The following DOCK1 variants were observed in gnomAD, a reference collection of about 807,000 sequenced individuals.
DOCK1 encodes the protein dedicator of cytokinesis 1, also known as dedicator of cytokinesis protein 1.
Under a neutral mutation model 262.7 loss-of-function variants are expected in DOCK1, and 138 were observed. The observed-to-expected ratio is 0.53, with a 90% CI of 0.46 to 0.61. DOCK1 has a LOEUF of 0.61. Among genes scored for constraint, DOCK1 ranks in the 20% least tolerant of loss-of-function variants. The pLI is 0.00. For missense variants in DOCK1, 1,908 were observed against 2,370.7 expected, an observed-to-expected ratio of 0.80 and a Z score of 4.05; for synonymous variants, 866 against 867.4, an observed-to-expected ratio of 1.00 and a Z score of 0.03.
chr10:127,099,641 C>T (rs934728178), intron 23 of DOCK1, among the ~76,000 whole-genome samples: 4 of 152,176 alleles, frequency 2.6e-5, no homozygotes, highest in African/African-American at 7.2e-5. Flanking sequence ...CCAGCTCTCA[C>T]GTGAACTAAT....
In DOCK1 at chr10:127,405,783, G is replaced by A. The variant is rs1340675931; in HGVS notation, c.4122+1354G>A. ...CCCACTCAGTGTCCTGCCTGGTGAC[G>A]GAGGCGTCTGGCCCTGTCCTGGTCA... On this transcript the variant is annotated intron_variant, in intron 40 of 51. Transcript: ENST00000623213. Among the ~76,000 whole-genome samples, 5 of 149,444 alleles carry A rather than the reference G, an allele frequency of 3.3e-5. No homozygotes were observed. In the East Asian group the frequency reaches 6.0e-4, roughly 18 times the overall value.
intron 27 of DOCK1, among the ~76,000 whole-genome samples, chr10:127,213,989 G>A (rs986999387): frequency 1.3e-5 from 2 of 152,078 alleles, no homozygotes; most frequent in Non-Finnish European, 1.5e-5. Context: ...ACAGGCACCC[G>A]CCACCATGCC....
chr10:127,260,934 T>TTA lies in DOCK1; in HGVS notation c.3044+3505_3044+3506insTA, dbSNP rs2060032214. Among the ~76,000 whole-genome samples, 12 of 145,378 alleles carry TTA rather than the reference T, an allele frequency of 8.3e-5. No individual in the cohort carries two copies. In the South Asian group the frequency reaches 1.1e-3, roughly 14 times the overall value. On this transcript the variant is annotated intron_variant, in intron 29 of 51. Transcript: ENST00000623213. ...GCACGTGTGTGCATGTGGGTGTGTGTGTGTACCCGTGCTCATCTGTGTGTG... is the reference window on the plus strand; with the variant it reads ...GCACGTGTGTGCATGTGGGTGTGTGTTAGTGTACCCGTGCTCATCTGTGTGTG...
chr10:126,997,770 G>A (rs759777832), intron 7 of DOCK1: 4 of 292,688 alleles, frequency 1.4e-5, no homozygotes, highest in Non-Finnish European at 2.0e-5. Flanking sequence ...AGATGTCCTT[G>A]GAGGGTTTAG....
At chr10:127,205,805 T>C (rs2057692488) in intron 27 of DOCK1, among the ~76,000 whole-genome samples, 1 of 152,232 alleles carries the variant, frequency 6.6e-6, no homozygotes, top group Non-Finnish European at 1.5e-5. Context: ...CTATATACCA[T>C]GTAAGACACA....
intron 29 of DOCK1, among the ~76,000 whole-genome samples, chr10:127,330,311 T>C (rs1000150803): frequency 1.3e-5 from 2 of 151,918 alleles, no homozygotes; most frequent in African/African-American, 4.8e-5. Flanking sequence ...GCTAGTGTAG[T>C]GGGGAAATGG....
At chr10:127,233,194 A>C (rs1164119691) in intron 27 of DOCK1, among the ~76,000 whole-genome samples, 6 of 152,208 alleles carry the variant, frequency 3.9e-5, no homozygotes, top group Non-Finnish European at 8.8e-5. Flanking sequence ...CCTAATTAGA[A>C]TTATGGTAGT....
At chr10:126,956,861 T>C (rs1450024480) in intron 1 of DOCK1, among the ~76,000 whole-genome samples, 1 of 151,582 alleles carries the variant, frequency 6.6e-6, no homozygotes, top group Non-Finnish European at 1.5e-5. Flanking sequence ...GTCTGCAGAG[T>C]TCCAGAGATT....
At chr10:127,070,409 A>G (rs536877863) in intron 23 of DOCK1, among the ~76,000 whole-genome samples, 42 of 151,768 alleles carry the variant, frequency 2.8e-4, no homozygotes, top group African/African-American at 1.0e-3. Context: ...ACCCACTACC[A>G]CGCCAAGCTA....
At chr10:127,340,461 C>T (rs531575523) in intron 30 of DOCK1, among the ~76,000 whole-genome samples, 2 of 152,186 alleles carry the variant, frequency 1.3e-5, no homozygotes, top group East Asian at 1.9e-4. Flanking sequence ...TCATATTCCA[C>T]GATATGAATG....
At position 126,941,564 on chromosome 10, in the gene DOCK1, G is replaced by A. The variant is rs949564132; in HGVS notation, c.47-29138G>A. ...GAGGTCAGGAGATCGAGACCATCCT[G>A]GCTAACACGGTGAAACCCTGTCTCT... On this transcript the variant is annotated intron_variant, in intron 1 of 51. Coordinates refer to ENST00000623213, the MANE Select transcript of DOCK1 (RefSeq NM_001290223.2). 9.2e-5 allele frequency among the ~76,000 whole-genome samples: 14 copies of A among 152,254 alleles called. No individual in the cohort carries two copies. The South Asian group carries it at 2.1e-3, about 23-fold the overall frequency.
intron 47 of DOCK1, among the ~76,000 whole-genome samples, chr10:127,426,708 G>A (rs572317877): frequency 7.2e-5 from 11 of 152,264 alleles, no homozygotes; most frequent in East Asian, 1.9e-4. Context: ...AATTCAGAGC[G>A]GAGATGGAAA....
rs117814666 is a variant in DOCK1 at position 127,230,362 on chromosome 10, T to A, written c.2848-17646T>A. On this transcript the variant is annotated intron_variant, in intron 27 of 51. Transcript: ENST00000623213. ...CATTGCTCAGACCAATTTCAAGAGG[T>A]TTTTTTTCTTTATGTTTTCTTCTAG... is the stretch of plus-strand genomic sequence containing the variant. 3.6e-3 allele frequency among the ~76,000 whole-genome samples: 549 copies of A among 152,086 alleles called. 5 individuals are homozygous for A. The highest frequency in any genetic ancestry group is 0.021 in the Admixed American group (325 of 15,260).
Position 127,239,799 on chromosome 10 carries a change from A to G in DOCK1, c.2848-8209A>G, listed in dbSNP as rs546282999. On this transcript the variant is annotated intron_variant, in intron 27 of 51. Transcript: ENST00000623213. ...TATATTGAGTATATAAAAATAACGT[A>G]TAAAATTTTCTGCTTTGCTGTCTTG... Among the ~76,000 whole-genome samples, 11 of 152,276 alleles carry G rather than the reference A, an allele frequency of 7.2e-5. 1 individual carries two copies. Among genetic ancestry groups the G allele is most frequent in the African/African-American group, 2.6e-4 (11 of 41,588 alleles).
At chr10:127,138,113 G>T (rs2133234110) in intron 27 of DOCK1, 1 of 1,098,646 alleles carries the variant, frequency 9.1e-7, no homozygotes, top group Non-Finnish European at 1.3e-6. Context: ...TGATCAGTGT[G>T]TGTTTGTAAT....
intron 47 of DOCK1, among the ~76,000 whole-genome samples, chr10:127,432,655 A>G (rs187830934): frequency 2.0e-5 from 3 of 152,258 alleles, no homozygotes; most frequent in Non-Finnish European, 4.4e-5. Flanking sequence ...GAAGATGGAA[A>G]AGTCCATCTA....
At chr10:127,287,321 C>G (rs550294409) in intron 29 of DOCK1, among the ~76,000 whole-genome samples, 7 of 151,882 alleles carry the variant, frequency 4.6e-5, no homozygotes, top group Non-Finnish European at 1.0e-4. Context: ...TCCTGAATAG[C>G]TAGGACTATA....
chr10:127,106,278 G>A lies in DOCK1; in HGVS notation c.2493G>A (p.Leu831=). The change falls in exon 24 of 52, where the codon TTG becomes TTA. Residue 831 remains leucine, a synonymous_variant. Coordinates refer to ENST00000623213, the MANE Select transcript of DOCK1 (RefSeq NM_001290223.2). ...YLPTIVNDVK[L]VFDPKELSKM... ...CAACGATCGTCAACGATGTGAAATT[G>A]GTGTTTGATCCCAAAGAGCTCAGGT... 1.3e-6 allele frequency: 2 copies of A among 1,597,850 alleles called. No individual in the cohort carries two copies. The highest frequency in any genetic ancestry group is 1.7e-6 in the Non-Finnish European group (2 of 1,171,216).
Position 127,374,092 on chromosome 10 carries a change from G to T in DOCK1, c.3553G>T (p.Ala1185Ser). The T allele has an allele frequency of 6.2e-7, 1 of 1,612,878 alleles. No individual in the cohort carries two copies. The highest frequency in any genetic ancestry group is 8.5e-7 in the Non-Finnish European group (1 of 1,179,396). ...LEHCRKHKYL[A>S]KTGETFVKLV... ...ACACTGCAGGAAGCACAAATACCTC[G>T]CCAAAACAGGAGAAACTTTTGTAAA... is the stretch of plus-strand genomic sequence containing the variant. The change falls in exon 35 of 52, where the codon GCC becomes TCC. Residue 1185 changes from alanine to serine, a missense_variant. Ala to Ser is a moderately conservative substitution (Grantham distance 99). Transcript: ENST00000623213.
Sources: gnomAD v4.1 joint callset for allele counts (sites outside exome capture counted in the v4.1 genomes callset) on GRCh38, gnomAD v4.1.1 for gene constraint, MANE v1.5 for transcripts, NCBI Gene and HGNC (gene_info 2026-07-23, HGNC 2026-07-21) for gene names.